The following CACNA1A variants were observed in gnomAD, a reference collection of about 807,000 sequenced individuals.
The protein encoded by CACNA1A is voltage-dependent P/Q-type calcium channel subunit alpha-1A.
Under a neutral mutation model 262.4 loss-of-function variants are expected in CACNA1A, and 57 were observed. The ratio of observed to expected loss-of-function variants is 0.22; its 90% confidence interval spans 0.18 to 0.27. The LOEUF (loss-of-function observed/expected upper bound fraction) is 0.27. CACNA1A is among the 10% of genes least tolerant of loss of function. The pLI, the probability that CACNA1A is intolerant of heterozygous loss-of-function variation, is 1.00. For missense variants in CACNA1A, 2,526 were observed against 3,562.8 expected (o/e 0.71, Z 7.41); for synonymous variants, 1,431 against 1,419.3 (o/e 1.01, Z -0.18).
intron 1 of CACNA1A, among the ~76,000 whole-genome samples, chr19:13,466,623 G>T (rs1055963128): frequency 1.3e-5 from 2 of 151,984 alleles, no homozygotes; most frequent in African/African-American, 4.8e-5. Context: ...TTACAGGCGT[G>T]AGCCACCATG....
In CACNA1A at chr19:13,262,704, C is replaced by G. The variant is rs370461534; in HGVS notation, c.4089+30G>C. The G allele has an allele frequency of 3.9e-4, 540 of 1,398,372 alleles. 2 individuals are homozygous for G. The highest frequency in any genetic ancestry group is 4.1e-4 in the Non-Finnish European group (410 of 989,862). 86.6% of individuals were successfully genotyped at this position (1,398,372 alleles called of 1,614,324 possible). ...TACATGATAACCCTGACAGTCCCCC[C>G]CACCGCACCCCACCATCTCCCAATC... On this transcript the variant is annotated intron_variant, in intron 25 of 46. Transcript: ENST00000360228.
At chr19:13,309,105 T>G (rs1431150194) in intron 12 of CACNA1A, among the ~76,000 whole-genome samples, 4 of 152,070 alleles carry the variant, frequency 2.6e-5, no homozygotes, top group Non-Finnish European at 4.4e-5. Context: ...GCCTCCCAGG[T>G]TCAAGCGATT....
At chr19:13,365,775 C>A in intron 4 of CACNA1A, 1 of 234,872 alleles carries the variant, frequency 4.3e-6, no homozygotes, top group Non-Finnish European at 8.3e-6. Flanking sequence ...TCAGGTGATC[C>A]TCCTGCCTCA....
intron 37 of CACNA1A, chr19:13,226,007 A>G (rs2055422590): frequency 6.6e-6 from 1 of 151,990 alleles, no homozygotes; most frequent in African/African-American, 2.4e-5. Flanking sequence ...TTTGTATATT[A>G]AATATAACAG....
intron 3 of CACNA1A, among the ~76,000 whole-genome samples, chr19:13,405,848 C>T (rs894023813): frequency 1.2e-4 from 18 of 152,286 alleles, no homozygotes; most frequent in Non-Finnish European, 1.9e-4. Flanking sequence ...CGCCATTTTA[C>T]AGATGAGAAA....
intron 3 of CACNA1A, among the ~76,000 whole-genome samples, chr19:13,440,106 T>C (rs1056611741): frequency 2.0e-5 from 3 of 152,124 alleles, no homozygotes; most frequent in African/African-American, 7.2e-5. Context: ...ACTACAAGCC[T>C]GTGCTACCAC....
chr19:13,209,087 C>T, intron 45 of CACNA1A, 78 bp from the exon 46 acceptor site: 1 of 1,524,614 alleles, frequency 6.6e-7, no homozygotes, highest in Non-Finnish European at 8.8e-7. Context: ...CAGGAGGCCA[C>T]CTGGAAGGTG....
intron 1 of CACNA1A, among the ~76,000 whole-genome samples, chr19:13,482,689 T>C (rs1049667572): frequency 6.6e-6 from 1 of 152,146 alleles, no homozygotes; most frequent in Non-Finnish European, 1.5e-5. Context: ...CTTCCTTCTT[T>C]ACCCTTCTAG....
In CACNA1A at chr19:13,241,678, G is replaced by T. The variant is rs1600152795; in HGVS notation, c.4950+3504C>A. On this transcript the variant is annotated intron_variant, in intron 31 of 46. Transcript: ENST00000360228. The surrounding 1 kb of genome is among the most constrained non-coding windows in gnomAD (Gnocchi z 4.0). ...GGAGTGGGGGTGGTGGTGGCGGTGG[G>T]TTGGGAGATAAGTCATTGGTGTATG... 6.6e-6 allele frequency among the ~76,000 whole-genome samples: 1 copy of T among 151,928 alleles called. No homozygotes were observed. The highest frequency in any genetic ancestry group is 2.4e-5 in the African/African-American group (1 of 41,344).
intron 1 of CACNA1A, among the ~76,000 whole-genome samples, chr19:13,469,673 A>G (rs561861944): frequency 1.7e-3 from 243 of 145,046 alleles, no homozygotes; most frequent in African/African-American, 6.0e-3. Context: ...GTTAGCCAGG[A>G]TGGTCTCGAT....
In CACNA1A at chr19:13,207,072, T is replaced by C. The variant is rs892375497; in HGVS notation, c.*241A>G. On this transcript the variant is annotated 3_prime_UTR_variant, in exon 47 of 47. Coordinates refer to ENST00000360228, the MANE Select transcript of CACNA1A (RefSeq NM_001127222.2). This position sits in a 1 kb window ranked among gnomAD's most constrained non-coding sequence, Gnocchi z 5.7. ...GCCTCCCACCCGAGAGCCCCTGTCG[T>C]GGGTGGGGGGATCGGGGCTGGTTGG... The C allele has an allele frequency of 1.9e-5, 5 of 259,742 alleles. No homozygotes were observed. The highest frequency in any genetic ancestry group is 1.2e-4 in the Admixed American group (2 of 16,478). 16.1% of individuals were successfully genotyped at this position (259,742 alleles called of 1,614,324 possible).
intron 31 of CACNA1A, 81 bp from the exon 32 acceptor site, chr19:13,235,811 A>G (rs1406211168): frequency 1.5e-5 from 14 of 943,958 alleles, no homozygotes; most frequent in Non-Finnish European, 2.3e-5. Context: ...AGGCCCCTAC[A>G]TGAAGCCAAC....
intron 38 of CACNA1A, chr19:13,215,324 TTG>T (rs368659813): frequency 0.28 from 24,810 of 88,458 alleles, 4,202 homozygotes; most frequent in East Asian, 0.6. Flanking sequence ...TGTTTTTTTT[TTG>T]TTTTTTTTTT....
intron 30 of CACNA1A, among the ~76,000 whole-genome samples, chr19:13,250,311 C>T (rs910432418): frequency 1.3e-5 from 2 of 152,016 alleles, no homozygotes; most frequent in Admixed American, 6.6e-5. Flanking sequence ...CTGCCCTCCT[C>T]AAGCTCCCAA....
intron 3 of CACNA1A, among the ~76,000 whole-genome samples, chr19:13,402,777 T>TACATATATAC (rs2059920617): frequency 1.5e-5 from 2 of 133,446 alleles, no homozygotes; most frequent in Admixed American, 8.6e-5. Flanking sequence ...TACATATATA[T>TACATATATAC]ACATATATAT....
intron 3 of CACNA1A, among the ~76,000 whole-genome samples, chr19:13,434,023 G>A (rs77620703): frequency 0.014 from 2,174 of 152,250 alleles, 28 homozygotes; most frequent in Non-Finnish European, 0.024. Context: ...CTTGGGGCAA[G>A]TCCTCTAGCT....
intron 30 of CACNA1A, chr19:13,252,369 C>A (rs1600173873): frequency 1.3e-5 from 2 of 152,200 alleles, no homozygotes; most frequent in East Asian, 1.9e-4. Flanking sequence ...CCACTGTGCT[C>A]AGCCTGATTT....
chr19:13,219,381 C>A (rs1356625381), intron 38 of CACNA1A, among the ~76,000 whole-genome samples: 1 of 152,106 alleles, frequency 6.6e-6, no homozygotes, highest in Non-Finnish European at 1.5e-5. Flanking sequence ...CTGTAATAAA[C>A]TGTGAGTATA....
rs774731482 is a variant in CACNA1A at position 13,506,027 on chromosome 19, G to C, written c.198C>G (p.Pro66=). The C allele has an allele frequency of 6.2e-7, 1 of 1,613,866 alleles. No homozygotes were observed. Among genetic ancestry groups the C allele is most frequent in the East Asian group, 2.2e-5 (1 of 44,866 alleles). ...TAACCGTGAGGCAGTTCTGTCGGAC[G>C]GGGATGGGGTTGTAGAGTGCCATGG... is the stretch of plus-strand genomic sequence containing the variant. The part of the protein sequence containing the change: ...ARTMALYNPI[P]VRQNCLTVNR... Residue 66 remains proline, a synonymous_variant, in exon 1 of 47, where the codon CCC becomes CCG. Coordinates refer to ENST00000360228, the MANE Select transcript of CACNA1A (RefSeq NM_001127222.2).
Sources: allele counts gnomAD v4.1 joint callset (sites outside exome capture counted in the v4.1 genomes callset), GRCh38; gene constraint gnomAD v4.1.1; non-coding constraint Gnocchi (gnomAD v3.1); transcripts MANE v1.5; gene names NCBI Gene and HGNC (gene_info 2026-07-23, HGNC 2026-07-21).